ATP13A1: variants seen among roughly 807,000 people sequenced by gnomAD.
ATP13A1 encodes the protein ATPase 13A1.
A neutral mutation model predicts 134.8 loss-of-function variants in ATP13A1; 55 were observed. The ratio of observed to expected loss-of-function variants is 0.41; its 90% CI spans 0.33 to 0.51. ATP13A1 has a LOEUF of 0.51. Among genes scored for constraint, ATP13A1 ranks in the 20% least tolerant of loss-of-function variants. ATP13A1 has a pLI of 0.29. For missense variants in ATP13A1, 1,389 were observed against 1,652.8 expected, an observed-to-expected ratio of 0.84 and a Z score of 2.77; for synonymous variants, 775 against 725.1, an observed-to-expected ratio of 1.07 and a Z score of -1.10.
rs990952649 is a variant in ATP13A1, at chr19:19,662,369, G to T, written c.396+902C>A. 2.0e-5 allele frequency: 20 copies of T among 985,240 alleles called. No individual in the cohort carries two copies. The Admixed American group carries it at 1.2e-3, about 61-fold the overall frequency. The allele number at this position is 985,240 out of a possible 1,614,324, so 61.0% of individuals were successfully genotyped here. On this transcript the variant is annotated intron_variant, in intron 1 of 25. Coordinates refer to ENST00000357324, the MANE Select transcript of ATP13A1 (RefSeq NM_020410.3). ...CACATTCAGAGCCAGCCAGGGTGGG[G>T]GGCTTCTGTCTTTCTGTAGCCCTTG...
chr19:19,646,392 G>A (rs763152423), intron 22 of ATP13A1, 45 bp from the exon 23 acceptor site: 3 of 1,610,528 alleles, frequency 1.9e-6, no homozygotes, highest in Non-Finnish European at 2.5e-6. Context: ...TGGCTCACTT[G>A]GGGCCACCCT....
chr19:19,659,541 T>G, intron 3 of ATP13A1, 60 bp downstream of exon 3: 1 of 1,436,658 alleles, frequency 7.0e-7, no homozygotes, highest in Non-Finnish European at 9.5e-7. Context: ...CTAGGCACCC[T>G]GAATCAGGAG....
rs1374478988 is a variant in ATP13A1 at position 19,655,466 on chromosome 19, G to T, written c.1397-13C>A. The T allele has an allele frequency of 1.2e-6, 2 of 1,613,916 alleles. No homozygotes were observed. The highest frequency in any genetic ancestry group is 8.5e-7 in the Non-Finnish European group (1 of 1,179,838). ...GGGTCCTTGGTACCTGTGGAGACAGGGCCTGCCAACCTGGAGCCTCGGAGG... is the reference window on the plus strand; with the variant it reads ...GGGTCCTTGGTACCTGTGGAGACAGTGCCTGCCAACCTGGAGCCTCGGAGG... On this transcript the variant is annotated splice_polypyrimidine_tract_variant and intron_variant, in intron 10 of 25. Transcript: ENST00000357324. This position sits in a 1 kb window ranked among gnomAD's most constrained non-coding sequence, Gnocchi z 5.7.
intron 13 of ATP13A1, 72 bp from the exon 14 acceptor site, chr19:19,654,216 C>T (rs1011523943): frequency 3.8e-5 from 54 of 1,430,600 alleles, no homozygotes; most frequent in East Asian, 9.9e-5. Flanking sequence ...CCTCTCACCC[C>T]GGCCTCCCCC....
chr19:19,651,918 G>A (rs919277582), intron 16 of ATP13A1, 121 bp from the exon 17 acceptor site: 2 of 746,616 alleles, frequency 2.7e-6, no homozygotes, highest in Non-Finnish European at 4.3e-6. Context: ...GCCTCTAACC[G>A]AGATGCTGAA....
rs1179308231 is a variant in ATP13A1, at chr19:19,647,569, G to A, written c.2793+30C>T. The A allele has an allele frequency of 1.2e-6, 2 of 1,612,814 alleles. No individual in the cohort carries two copies. Among genetic ancestry groups the A allele is most frequent in the South Asian group, 1.1e-5 (1 of 90,966 alleles). ...CAGGCTGTCAGCCCTGGCCAGGATGGGGTGCAGCACCTCCCCTCTTGGGAC... is the reference window on the plus strand; with the variant it reads ...CAGGCTGTCAGCCCTGGCCAGGATGAGGTGCAGCACCTCCCCTCTTGGGAC... On this transcript the variant is annotated intron_variant, in intron 20 of 25. Transcript: ENST00000357324. The surrounding 1 kb of genome is among the most constrained non-coding windows in gnomAD (Gnocchi z 4.8).
intron 17 of ATP13A1, chr19:19,650,154 C>CT (rs1425273930): frequency 1.7e-6 from 1 of 595,648 alleles, no homozygotes; most frequent in African/African-American, 1.9e-5. Flanking sequence ...GCCTGAGCTA[C>CT]TTGCCTGAGA....
rs778673712 is a variant in ATP13A1 at position 19,663,413 on chromosome 19, C to G, written c.254G>C (p.Gly85Ala). The stretch of plus-strand genomic sequence containing the variant: ...CCAACTGCTGCCCCAGCCCCAGCAG[C>G]CAGCGGCTGCGGCACCCAACCAGGC... ...YPAWLGAAAA[G>A]CWGWGSSWVQ... Residue 85 changes from glycine (G) to alanine (A), a missense_variant, in exon 1 of 26, where the codon GGC becomes GCC. By Grantham distance (60) the Gly-to-Ala change is moderately conservative. Transcript: ENST00000357324. 6.3e-7 allele frequency: 1 copy of G among 1,578,606 alleles called. No individual in the cohort carries two copies. Among genetic ancestry groups the G allele is most frequent in the Admixed American group, 1.8e-5 (1 of 54,644 alleles).
chr19:19,653,932 C>A lies in ATP13A1; in HGVS notation c.1989+37G>T, dbSNP rs778221984. The A allele has an allele frequency of 2.5e-6, 4 of 1,572,250 alleles. 1 individual carries two copies. Among genetic ancestry groups the A allele is most frequent in the African/African-American group, 1.4e-5 (1 of 73,944 alleles). ...CAGGGGGATGTCACGGGCTGCCCCG[C>A]GCCCCCACCCCTTGCCCCAGGCTGG... On this transcript the variant is annotated intron_variant, in intron 14 of 25. Transcript: ENST00000357324. This position sits in a 1 kb window ranked among gnomAD's most constrained non-coding sequence, Gnocchi z 4.2.
At position 19,657,404 on chromosome 19, in the gene ATP13A1, C is replaced by G. The variant is rs1350745907; in HGVS notation, c.682G>C (p.Glu228Gln). 2.6e-6 allele frequency: 4 copies of G among 1,565,766 alleles called. No individual in the cohort carries two copies. Among genetic ancestry groups the G allele is most frequent in the Non-Finnish European group, 3.5e-6 (4 of 1,154,908 alleles). ...TCCGAGAAGTCAGGCACCACCATCT[C>G]GGCCCTGCAAGAGACCAGGCCCCAT... ...AEKKFGSNKA[E>Q]MVVPDFSELF... Residue 228 changes from glutamate (E) to glutamine (Q), a missense_variant, in exon 4 of 26, where the codon GAG (glutamate) becomes CAG (glutamine). Physicochemically the swap from Glu to Gln is conservative, Grantham distance 29. Around this residue, in one of 4 missense-constraint regions of ATP13A1, gnomAD observed 747 missense variants for 956.1 expected, o/e 0.78. Transcript: ENST00000357324.
chr19:19,657,902 A>T (rs762461886), intron 3 of ATP13A1, among the ~76,000 whole-genome samples: 5 of 152,020 alleles, frequency 3.3e-5, no homozygotes, highest in Non-Finnish European at 7.4e-5. Flanking sequence ...AATCCCAAGC[A>T]CTTTGGGAGG....
chr19:19,656,863 C>CA lies in ATP13A1; in HGVS notation c.959_960insT (p.Asp321GlyfsTer17). Reference sequence around the variant, plus strand: ...CGGCCTCACCGATGGAGACGATGTCCCCTGGTACGATCTCATCACTGGCAA... The same window carrying CA: ...CGGCCTCACCGATGGAGACGATGTCCACCTGGTACGATCTCATCACTGGCAA... On this transcript the variant is annotated frameshift_variant, in exon 6 of 26. Transcript: ENST00000357324. LOFTEE classifies it high-confidence loss of function. This position sits in a 1 kb window ranked among gnomAD's most constrained non-coding sequence, Gnocchi z 4.6. The CA allele has an allele frequency of 6.2e-7, 1 of 1,612,558 alleles. No homozygotes were observed.
At position 19,655,078 on chromosome 19, in the gene ATP13A1, C is replaced by T. The variant is rs1456214435; in HGVS notation, c.1655+41G>A. 2.5e-6 allele frequency: 4 copies of T among 1,610,450 alleles called. No individual in the cohort carries two copies. In the Admixed American group the frequency reaches 5.0e-5, roughly 20 times the overall value. On this transcript the variant is annotated intron_variant, in intron 12 of 25. Coordinates refer to ENST00000357324, the MANE Select transcript of ATP13A1 (RefSeq NM_020410.3). The surrounding 1 kb of genome is among the most constrained non-coding windows in gnomAD (Gnocchi z 5.7). ...ACCTGTCTCTCGACTTCCCAGAAACCCCATCTGGGTGACCTTTGCTGCAGG... is the reference window on the plus strand; with the variant it reads ...ACCTGTCTCTCGACTTCCCAGAAACTCCATCTGGGTGACCTTTGCTGCAGG...
rs753933613 is a variant in ATP13A1 at position 19,657,396 on chromosome 19, C to A, written c.690G>T (p.Val230=). The A allele has an allele frequency of 2.5e-5, 39 of 1,569,020 alleles. No individual in the cohort carries two copies. The highest frequency in any genetic ancestry group is 3.3e-5 in the Non-Finnish European group (38 of 1,156,708). Residue 230 remains valine, a synonymous_variant, in exon 4 of 26, where the codon GTG becomes GTT. Coordinates refer to ENST00000357324, the MANE Select transcript of ATP13A1 (RefSeq NM_020410.3). ...TGAAAAGCTCCGAGAAGTCAGGCAC[C>A]ACCATCTCGGCCCTGCAAGAGACCA... The part of the protein sequence containing the change: ...KKFGSNKAEM[V]VPDFSELFKE...
At chr19:19,648,511 A>G (rs569913311) in intron 19 of ATP13A1, among the ~76,000 whole-genome samples, 139 of 148,440 alleles carry the variant, frequency 9.4e-4, no homozygotes, top group African/African-American at 3.3e-3. Context: ...AAAAAAAAAA[A>G]GAAAAAAGAA....
chr19:19,647,809 G>A lies in ATP13A1; in HGVS notation c.2633-50C>T, dbSNP rs751544705. 3.3e-6 allele frequency: 5 copies of A among 1,527,430 alleles called. No homozygotes were observed. In the South Asian group the frequency reaches 4.8e-5, roughly 15 times the overall value. The allele number at this position is 1,527,430 out of a possible 1,614,324, so 94.6% of individuals were successfully genotyped here. A position where few individuals can be genotyped will look rare whatever the true frequency, so the allele number is the denominator to read the frequency against. ...CCGGAGGAGCAGGCTCCACGGAGGG[G>A]AAGATTGCTGGCTTCAGAGCCACTG... On this transcript the variant is annotated intron_variant, in intron 19 of 25. Coordinates refer to ENST00000357324, the MANE Select transcript of ATP13A1 (RefSeq NM_020410.3). This position sits in a 1 kb window ranked among gnomAD's most constrained non-coding sequence, Gnocchi z 4.8.
At chr19:19,657,228 G>C in intron 4 of ATP13A1, 79 bp from the exon 5 acceptor site, 1 of 1,487,066 alleles carries the variant, frequency 6.7e-7, no homozygotes, top group Non-Finnish European at 9.0e-7. Context: ...GATCTGATAT[G>C]TGAGGGTGGG....
intron 1 of ATP13A1, among the ~76,000 whole-genome samples, chr19:19,661,248 C>A (rs2062092791): frequency 6.6e-6 from 1 of 152,182 alleles, no homozygotes; most frequent in African/African-American, 2.4e-5. Context: ...AGGCACCCAC[C>A]CAGTACGTCC....
chr19:19,660,376 G>A (rs150584976), intron 1 of ATP13A1, among the ~76,000 whole-genome samples: 21 of 152,292 alleles, frequency 1.4e-4, no homozygotes, highest in African/African-American at 4.8e-4. Flanking sequence ...CAGCTACTTA[G>A]GAGGCTGAGG....
Sources: allele counts gnomAD v4.1 joint callset (sites outside exome capture counted in the v4.1 genomes callset), GRCh38; gene constraint gnomAD v4.1.1; regional missense constraint gnomAD v4.1.1; non-coding constraint Gnocchi (gnomAD v3.1); transcripts MANE v1.5; gene names NCBI Gene and HGNC (gene_info 2026-07-23, HGNC 2026-07-21).